MID2: variants seen among roughly 807,000 people sequenced by gnomAD.
MID2 encodes midline 2.
Under a neutral mutation model 46.1 loss-of-function variants are expected in MID2, and 13 were observed. The ratio of observed to expected loss-of-function variants is 0.28; its 90% CI spans 0.18 to 0.45. The LOEUF (loss-of-function observed/expected upper bound fraction) is 0.45. Among genes scored for constraint, MID2 ranks in the 20% least tolerant of loss-of-function variants. The probability of loss-of-function intolerance (pLI) is 1.00; values close to 1 mark genes in which losing one functional copy is unlikely to be tolerated. For missense variants in MID2, 431 were observed against 575.4 expected (o/e 0.75, Z 2.57); for synonymous variants, 199 against 212.3 (o/e 0.94, Z 0.55).
chrX:107,877,406 T>C (rs980847311), intron 3 of MID2, among the ~76,000 whole-genome samples: 3 of 112,067 alleles, frequency 2.7e-5, no homozygotes, highest in Non-Finnish European at 3.8e-5. Flanking sequence ...GTGGTGAAGA[T>C]AGCTGGTTAC....
chrX:107,866,529 T>A (rs770305408), intron 3 of MID2, among the ~76,000 whole-genome samples: 5 of 108,283 alleles, frequency 4.6e-5, no homozygotes, highest in Non-Finnish European at 9.6e-5. Context: ...CAGTGACACA[T>A]CATTAGCTCA....
At chrX:107,887,045 A>G (rs1346073750) in intron 3 of MID2, among the ~76,000 whole-genome samples, 3 of 110,944 alleles carry the variant, frequency 2.7e-5, no homozygotes, top group Admixed American at 9.5e-5. Flanking sequence ...GGGTTTTCTA[A>G]ATATACAATC....
In MID2 at chrX:107,881,184, T is replaced by A. The variant is rs1194269348; in HGVS notation, c.817-22774T>A. 2.7e-5 allele frequency among the ~76,000 whole-genome samples: 3 copies of A among 112,571 alleles called. No homozygotes were observed. The East Asian group carries it at 8.3e-4, about 31-fold the overall frequency. ...CACCTACACTTAGCCTTTTTGGTCA[T>A]CTCTCAGAGAAAGATTGTTGGATGC... On this transcript the variant is annotated intron_variant, in intron 3 of 9. Coordinates refer to ENST00000262843, the MANE Select transcript of MID2 (RefSeq NM_012216.4).
chrX:107,871,023 T>C (rs145454649), intron 3 of MID2, among the ~76,000 whole-genome samples: 2,209 of 111,138 alleles, frequency 0.02, 66 homozygotes, highest in African/African-American at 0.068. Context: ...TTTTTGTCCT[T>C]TTCCAGTTTC....
rs1311523968 is a variant in MID2 at position 107,921,286 on chromosome X, TA to T, written c.1436-3056del. On this transcript the variant is annotated intron_variant, in intron 7 of 9. Coordinates refer to ENST00000262843, the MANE Select transcript of MID2 (RefSeq NM_012216.4). ...TTTTTCTGAAGTTTTCTCATGATTA[TA>T]TTTAGCAGTACAGTTCTTTCTTAGG... 7.2e-5 allele frequency among the ~76,000 whole-genome samples: 8 copies of T among 111,548 alleles called. No individual in the cohort carries two copies. The Admixed American group carries it at 7.6e-4, about 11-fold the overall frequency.
chrX:107,884,179 C>T (rs1455833365), intron 3 of MID2, among the ~76,000 whole-genome samples: 1 of 112,027 alleles, frequency 8.9e-6, no homozygotes, highest in African/African-American at 3.2e-5. Context: ...ATGATAAACT[C>T]TCAAGAGTTG....
intron 1 of MID2, among the ~76,000 whole-genome samples, chrX:107,832,225 G>A (rs1426229253): frequency 8.9e-6 from 1 of 111,739 alleles, no homozygotes; most frequent in Admixed American, 9.5e-5. Context: ...TTCTCCCTGT[G>A]CAGGATGAAA....
chrX:107,868,658 C>A (rs769357169), intron 3 of MID2, among the ~76,000 whole-genome samples: 13 of 111,413 alleles, frequency 1.2e-4, no homozygotes, highest in Non-Finnish European at 2.3e-4. Context: ...GAAGTAAAAT[C>A]ATTTACTACG....
intron 1 of MID2, among the ~76,000 whole-genome samples, chrX:107,828,970 C>T: frequency 8.9e-6 from 1 of 112,235 alleles, no homozygotes; most frequent in Non-Finnish European, 1.9e-5. Context: ...GTCTTGACCT[C>T]TCTGGCTCAA....
chrX:107,847,723 G>A (rs1304005289), intron 2 of MID2, among the ~76,000 whole-genome samples: 1 of 111,561 alleles, frequency 9.0e-6, no homozygotes, highest in Admixed American at 9.5e-5. Flanking sequence ...CACCCGGATA[G>A]GTATTAGGGT....
chrX:107,878,687 T>C (rs1015883032), intron 3 of MID2, among the ~76,000 whole-genome samples: 2 of 111,814 alleles, frequency 1.8e-5, no homozygotes, highest in African/African-American at 6.5e-5. Context: ...AGGACTTTAT[T>C]CTGGTCCCAC....
chrX:107,926,636 A>C lies in MID2; in HGVS notation c.1806-35A>C, dbSNP rs139130611. Reference sequence around the variant, plus strand: ...CTTACACAACTCAGATAATTCATAAATGTTTATTTCTCTCTCCTTTCCACT... The same window carrying C: ...CTTACACAACTCAGATAATTCATAACTGTTTATTTCTCTCTCCTTTCCACT... On this transcript the variant is annotated intron_variant, in intron 9 of 9. Coordinates refer to ENST00000262843, the MANE Select transcript of MID2 (RefSeq NM_012216.4). 3.9e-3 allele frequency: 4,519 copies of C among 1,156,206 alleles called. 115 individuals are homozygous for C. The African/African-American group carries it at 0.069, about 18-fold the overall frequency.
chrX:107,917,903 G>T (rs954689286), intron 7 of MID2, among the ~76,000 whole-genome samples, 164 bp downstream of exon 7: 2 of 111,576 alleles, frequency 1.8e-5, no homozygotes, highest in Non-Finnish European at 3.8e-5. Flanking sequence ...GTAACCCTTA[G>T]CCTTTCCTCA....
At chrX:107,891,594 C>T (rs769579583) in intron 3 of MID2, among the ~76,000 whole-genome samples, 1 of 111,960 alleles carries the variant, frequency 8.9e-6, no homozygotes, top group Non-Finnish European at 1.9e-5. Context: ...TAATCAGGGC[C>T]TCTGACCCCC....
intron 8 of MID2, among the ~76,000 whole-genome samples, 157 bp from the exon 9 acceptor site, chrX:107,925,937 T>A (rs1198268917): frequency 6.3e-5 from 7 of 111,056 alleles, no homozygotes; most frequent in Non-Finnish European, 9.4e-5. Context: ...TTCTGGCCTG[T>A]TTTCTTAATA....
intron 8 of MID2, 44 bp from the exon 9 acceptor site, chrX:107,926,050 C>G (rs1242991495): frequency 9.8e-7 from 1 of 1,015,620 alleles, no homozygotes; most frequent in Non-Finnish European, 1.4e-6. Context: ...TTTTAAGATA[C>G]TTCATAGTGC....
chrX:107,902,238 C>T (rs1465948405), intron 3 of MID2, among the ~76,000 whole-genome samples: 1 of 111,813 alleles, frequency 8.9e-6, no homozygotes, highest in Non-Finnish European at 1.9e-5. Context: ...CAATGCCAGG[C>T]ATATAGTGTT....
At chrX:107,882,340 C>G (rs1457404018) in intron 3 of MID2, among the ~76,000 whole-genome samples, 1 of 111,441 alleles carries the variant, frequency 9.0e-6, no homozygotes, top group East Asian at 2.8e-4. Flanking sequence ...GCAACAAAAG[C>G]CAAAATTGAC....
chrX:107,907,482 C>T (rs1039837468), intron 5 of MID2, among the ~76,000 whole-genome samples: 2 of 112,142 alleles, frequency 1.8e-5, no homozygotes, highest in African/African-American at 6.5e-5. Context: ...TGCCTTCCTT[C>T]TGATTAAAAT....
Sources: allele counts gnomAD v4.1 joint callset (sites outside exome capture counted in the v4.1 genomes callset), GRCh38; gene constraint gnomAD v4.1.1; transcripts MANE v1.5; gene names NCBI Gene and HGNC (gene_info 2026-07-23, HGNC 2026-07-21).